Variants in PDZRN4 observed in about 807,000 individuals in gnomAD.
PDZRN4 encodes PDZ domain-containing RING finger protein 4.
A neutral mutation model predicts 99.0 loss-of-function variants in PDZRN4; 70 were observed. That is an observed-to-expected ratio of 0.71 (90% CI 0.58 to 0.86). PDZRN4 has a LOEUF of 0.86. Among genes scored for constraint, PDZRN4 ranks in the 40% least tolerant of loss-of-function variants. The probability of loss-of-function intolerance (pLI) is 0.00; values close to 1 mark genes in which losing one functional copy is unlikely to be tolerated. For synonymous variants in PDZRN4, 551 were observed against 501.6 expected, an observed-to-expected ratio of 1.10 and a Z score of -1.32; for missense variants, 1,474 against 1,331.2, an observed-to-expected ratio of 1.11 and a Z score of -1.67.
At chr12:41,468,950 A>C (rs1592072260) in intron 3 of PDZRN4, among the ~76,000 whole-genome samples, 1 of 151,954 alleles carries the variant, frequency 6.6e-6, no homozygotes, top group African/African-American at 2.4e-5. Flanking sequence ...TGGAAGTTGC[A>C]GTGAGCCGAG....
chr12:41,463,284 T>C (rs974891955), intron 3 of PDZRN4, among the ~76,000 whole-genome samples: 4 of 152,172 alleles, frequency 2.6e-5, no homozygotes, highest in African/African-American at 9.7e-5. Flanking sequence ...TGGAAACATT[T>C]TCTCCACTTC....
chr12:41,213,143 T>A (rs1193277768), intron 3 of PDZRN4, among the ~76,000 whole-genome samples: 1 of 152,082 alleles, frequency 6.6e-6, no homozygotes, highest in East Asian at 1.9e-4. Context: ...TTTTCTTTTT[T>A]CATTCCAAGA....
intron 3 of PDZRN4, among the ~76,000 whole-genome samples, chr12:41,222,683 C>G (rs1196530579): frequency 1.3e-5 from 2 of 152,016 alleles, no homozygotes; most frequent in African/African-American, 2.4e-5. Flanking sequence ...CACCACCATG[C>G]CCGGCTAGTT....
At chr12:41,248,822 A>G (rs555150811) in intron 3 of PDZRN4, among the ~76,000 whole-genome samples, 19 of 152,304 alleles carry the variant, frequency 1.2e-4, no homozygotes, top group Middle Eastern at 3.4e-3. Context: ...TTAAAAATAA[A>G]CTAAAATACA....
chr12:41,254,027 G>A (rs1053303127), intron 3 of PDZRN4, among the ~76,000 whole-genome samples: 28 of 34,346 alleles, frequency 8.2e-4, no homozygotes, highest in Admixed American at 2.0e-3. Flanking sequence ...ATATATATAT[G>A]TGTGTGCGTG....
intron 3 of PDZRN4, among the ~76,000 whole-genome samples, chr12:41,371,741 A>G (rs1240669595): frequency 2.0e-5 from 3 of 152,162 alleles, no homozygotes; most frequent in Non-Finnish European, 4.4e-5. Context: ...GTGTTTGCTT[A>G]TACGCTATCC....
intron 3 of PDZRN4, among the ~76,000 whole-genome samples, chr12:41,379,520 G>T (rs1178840123): frequency 6.6e-6 from 1 of 150,770 alleles, no homozygotes; most frequent in African/African-American, 2.4e-5. Context: ...TTTTCTTTTA[G>T]AACATTTTTG....
At chr12:41,548,546 C>T (rs11180994) in intron 5 of PDZRN4, among the ~76,000 whole-genome samples, 21,134 of 152,096 alleles carry the variant, frequency 0.14, 1,912 homozygotes, top group Non-Finnish European at 0.2. Context: ...AAACGGCTAG[C>T]GTGTCTAGCC....
chr12:41,353,381 T>C (rs1030785441), intron 3 of PDZRN4, among the ~76,000 whole-genome samples: 1 of 152,104 alleles, frequency 6.6e-6, no homozygotes, highest in African/African-American at 2.4e-5. Flanking sequence ...TATATGAGCA[T>C]TGGTAGGAGT....
chr12:41,467,893 T>C (rs1952944057), intron 3 of PDZRN4, among the ~76,000 whole-genome samples: 1 of 152,228 alleles, frequency 6.6e-6, no homozygotes, highest in South Asian at 2.1e-4. Context: ...CTAGTTGCTA[T>C]TCTTACTGAA....
intron 3 of PDZRN4, among the ~76,000 whole-genome samples, chr12:41,334,100 A>G (rs1259657477): frequency 1.3e-5 from 2 of 152,062 alleles, no homozygotes; most frequent in Non-Finnish European, 2.9e-5. Flanking sequence ...TCTTGGGCAA[A>G]GGCCACCCTT....
intron 3 of PDZRN4, among the ~76,000 whole-genome samples, chr12:41,204,982 C>T (rs976494183): frequency 1.3e-5 from 2 of 151,832 alleles, no homozygotes. Flanking sequence ...TATGCCAGTA[C>T]TACTTGAACT....
At chr12:41,456,340 G>A (rs1392124712) in intron 3 of PDZRN4, among the ~76,000 whole-genome samples, 4 of 119,984 alleles carry the variant, frequency 3.3e-5, no homozygotes, top group African/African-American at 1.4e-4. Flanking sequence ...ATAAAAGAAT[G>A]AATGGTTGTT....
At chr12:41,272,321 C>G (rs1014878330) in intron 3 of PDZRN4, among the ~76,000 whole-genome samples, 2 of 152,004 alleles carry the variant, frequency 1.3e-5, no homozygotes, top group Admixed American at 6.6e-5. Flanking sequence ...ATGAAAATTT[C>G]TAACTCAGTT....
chr12:41,573,614 G>A lies in PDZRN4; in HGVS notation c.2835G>A (p.Glu945=), dbSNP rs757164729. The change falls in exon 10 of 10, where the codon GAG becomes GAA. Residue 945 remains glutamate (E), a synonymous_variant. Transcript: ENST00000402685. Reference sequence around the variant, plus strand: ...TGGGGCGCTACTGGAGCAAAGAGGAGAGAAAGCAGCACCTGGTTAGGGCCA... The same window carrying A: ...TGGGGCGCTACTGGAGCAAAGAGGAAAGAAAGCAGCACCTGGTTAGGGCCA... ...MKMGRYWSKE[E]RKQHLVRAKE... is the part of the protein sequence containing the mutation. 2 of 1,614,128 alleles carry A rather than the reference G, an allele frequency of 1.2e-6. No individual in the cohort carries two copies. The highest frequency in any genetic ancestry group is 1.1e-5 in the South Asian group (1 of 91,080).
rs1186347916 is a variant in PDZRN4 at position 41,506,571 on chromosome 12, C to A, written c.959C>A (p.Ala320Asp). 6.2e-7 allele frequency: 1 copy of A among 1,613,888 alleles called. No homozygotes were observed. The highest frequency in any genetic ancestry group is 8.5e-7 in the Non-Finnish European group (1 of 1,179,876). ...AGGCGAACACCTCTTAGTAGACCAG[C>A]CTATGGGATGGCTTCAGAAGTGCAG... ...VLRRTPLSRP[A>D]YGMASEVQLM... Residue 320 changes from alanine (A) to aspartate (D), a missense_variant, in exon 4 of 10, where the codon GCC becomes GAC. Physicochemically the swap from Ala to Asp is moderately radical, Grantham distance 126. Coordinates refer to ENST00000402685, the MANE Select transcript of PDZRN4 (RefSeq NM_001164595.2).
At chr12:41,193,495 T>C (rs1168118873) in intron 2 of PDZRN4, among the ~76,000 whole-genome samples, 2 of 152,206 alleles carry the variant, frequency 1.3e-5, no homozygotes, top group Non-Finnish European at 2.9e-5. Context: ...CCTGGAAATA[T>C]GTAACGATGA....
chr12:41,477,494 A>G, intron 3 of PDZRN4, among the ~76,000 whole-genome samples: 1 of 152,318 alleles, frequency 6.6e-6, no homozygotes, highest in East Asian at 1.9e-4. Flanking sequence ...GACAGCCGAA[A>G]AGGATGGTGA....
chr12:41,191,428 G>A (rs756699550), intron 1 of PDZRN4, 30 bp from the exon 2 acceptor site: 3 of 1,062,910 alleles, frequency 2.8e-6, no homozygotes, highest in South Asian at 2.6e-5. Context: ...ATTTTTACCT[G>A]GTTAAGTCAT....
Sources: gnomAD v4.1 joint callset for allele counts (sites outside exome capture counted in the v4.1 genomes callset) on GRCh38, gnomAD v4.1.1 for gene constraint, MANE v1.5 for transcripts, NCBI Gene and HGNC (gene_info 2026-07-23, HGNC 2026-07-21) for gene names.